VGLL4: variants seen among roughly 807,000 people sequenced by gnomAD.
VGLL4 encodes transcription cofactor vestigial-like protein 4.
In VGLL4, 7 loss-of-function variants were observed where a neutral mutation model predicts 21.0. The observed-to-expected ratio is 0.33, with a 90% confidence interval of 0.19 to 0.63. The LOEUF (loss-of-function observed/expected upper bound fraction) is 0.63. Among genes scored for constraint, VGLL4 ranks in the 20% least tolerant of loss-of-function variants. The probability of loss-of-function intolerance (pLI) is 0.78; values close to 1 mark genes in which losing one functional copy is unlikely to be tolerated. For synonymous variants in VGLL4, 222 were observed against 173.2 expected (o/e 1.28, Z -2.21); for missense variants, 394 against 425.7 (o/e 0.93, Z 0.66).
chr3:11,590,674 G>A (rs1017946591), intron 2 of VGLL4, among the ~76,000 whole-genome samples: 1 of 147,596 alleles, frequency 6.8e-6, no homozygotes, highest in African/African-American at 2.5e-5. Flanking sequence ...GTGTGTGTGT[G>A]TGTGTGTGTG....
At chr3:11,630,706 C>A (rs908467904) in intron 1 of VGLL4, among the ~76,000 whole-genome samples, 2 of 152,108 alleles carry the variant, frequency 1.3e-5, no homozygotes, top group Admixed American at 1.3e-4. Context: ...TTATACACTG[C>A]TGGTAGAAGA....
At chr3:11,642,422 C>G (rs1335855364) in intron 1 of VGLL4, among the ~76,000 whole-genome samples, 1 of 152,134 alleles carries the variant, frequency 6.6e-6, no homozygotes. Context: ...ATCACCCTCC[C>G]AAGTTTTTGT....
At chr3:11,575,666 T>C (rs2074017087) in intron 2 of VGLL4, among the ~76,000 whole-genome samples, 1 of 152,232 alleles carries the variant, frequency 6.6e-6, no homozygotes, top group Non-Finnish European at 1.5e-5. Context: ...TAAGTGATTT[T>C]AGTTAGAGAC....
chr3:11,638,515 GTTTC>G (rs369999089), intron 1 of VGLL4, among the ~76,000 whole-genome samples: 2 of 152,000 alleles, frequency 1.3e-5, no homozygotes, highest in Middle Eastern at 3.2e-3. Flanking sequence ...GCTCCTCCTA[GTTTC>G]TTTCTCTCTC....
At chr3:11,657,124 A>G (rs2075969963) in intron 2 of VGLL4, among the ~76,000 whole-genome samples, 1 of 152,194 alleles carries the variant, frequency 6.6e-6, no homozygotes, top group Admixed American at 6.5e-5. Context: ...AACCTTTGCT[A>G]GCCATGCAAT....
chr3:11,650,050 C>A (rs1005229273), intron 2 of VGLL4, among the ~76,000 whole-genome samples: 32 of 152,150 alleles, frequency 2.1e-4, no homozygotes, highest in Non-Finnish European at 3.1e-4. Context: ...AGTGATCCTT[C>A]CAACTCAGCA....
chr3:11,677,830 G>A (rs552386764), intron 2 of VGLL4, among the ~76,000 whole-genome samples: 33 of 150,978 alleles, frequency 2.2e-4, no homozygotes, highest in Non-Finnish European at 3.7e-4. Context: ...GCTTGAACCC[G>A]GGAGGCGGAG....
At chr3:11,645,196 A>G (rs914358319), upstream of VGLL4, among the ~76,000 whole-genome samples, 4 of 139,708 alleles carry the variant, frequency 2.9e-5, no homozygotes, top group African/African-American at 8.2e-5. Context: ...ATAGAAAAAA[A>G]AAAAACAAAA....
intron 1 of VGLL4, among the ~76,000 whole-genome samples, chr3:11,638,719 G>A (rs769642489): frequency 7.2e-5 from 11 of 152,128 alleles, no homozygotes; most frequent in Non-Finnish European, 1.6e-4. Context: ...GTACGAAATG[G>A]CCCTGCGCTG....
intron 2 of VGLL4, among the ~76,000 whole-genome samples, chr3:11,577,393 T>C (rs559726880): frequency 6.6e-6 from 1 of 152,116 alleles, no homozygotes; most frequent in African/African-American, 2.4e-5. Flanking sequence ...GGCCAGGAGT[T>C]CAAGACCAGC....
Position 11,719,560 on chromosome 3 carries a change from GC to G in VGLL4, c.-14+833del. ...GGCTCGCGCCCGAGCCCCCGCACGG[GC>G]CCCCGCCAAACACGCACACGCACAC... On this transcript the variant is annotated intron_variant, in intron 1 of 5. Coordinates refer to the VGLL4 transcript ENST00000273038. This position sits in a 1 kb window ranked among gnomAD's most constrained non-coding sequence, Gnocchi z 4.0. The G allele has an allele frequency of 6.6e-6, 1 of 151,480 alleles. No homozygotes were observed. The highest frequency in any genetic ancestry group is 1.5e-5 in the Non-Finnish European group (1 of 67,670). 9.4% of individuals were successfully genotyped at this position (151,480 alleles called of 1,614,324 possible).
chr3:11,713,117 G>C (rs1229219649), intron 1 of VGLL4, among the ~76,000 whole-genome samples: 3 of 152,174 alleles, frequency 2.0e-5, no homozygotes, highest in African/African-American at 7.2e-5. Flanking sequence ...AGGAAGGATG[G>C]TGTCAACTTC....
intron 2 of VGLL4, among the ~76,000 whole-genome samples, chr3:11,580,856 T>A (rs1207503178): frequency 6.6e-6 from 1 of 152,216 alleles, no homozygotes; most frequent in Non-Finnish European, 1.5e-5. Context: ...GATGTTGTAA[T>A]CAACAGTGAG....
rs553741106 is a variant in VGLL4, at chr3:11,660,852, CGTT to C, written c.64+42116_64+42118del. On this transcript the variant is annotated intron_variant, in intron 2 of 5. Transcript: ENST00000273038. Reference sequence around the variant, plus strand: ...CTTTAAAAATTAAAAAATTAAATAACGTTGGGATCCAAAGGAAAGACTCTTAAA... The same window carrying C: ...CTTTAAAAATTAAAAAATTAAATAACGGGATCCAAAGGAAAGACTCTTAAA... Among the ~76,000 whole-genome samples the C allele has an allele frequency of 1.3e-4, 20 of 152,160 alleles. No individual in the cohort carries two copies. The South Asian group carries it at 4.2e-3, about 32-fold the overall frequency.
intron 2 of VGLL4, among the ~76,000 whole-genome samples, chr3:11,695,194 C>T (rs746619893): frequency 3.3e-5 from 5 of 151,880 alleles, no homozygotes; most frequent in East Asian, 3.9e-4. Context: ...GGATTACAGG[C>T]GCCTGCCACC....
intron 2 of VGLL4, among the ~76,000 whole-genome samples, chr3:11,599,978 G>A (rs1198795868): frequency 2.0e-5 from 3 of 151,982 alleles, no homozygotes; most frequent in Non-Finnish European, 2.9e-5. Context: ...AAAGAAAGTG[G>A]GAATTGAACC....
intron 2 of VGLL4, among the ~76,000 whole-genome samples, chr3:11,690,178 G>A (rs2076507289): frequency 6.6e-6 from 1 of 152,050 alleles, no homozygotes; most frequent in African/African-American, 2.4e-5. Context: ...TTTTGCACCT[G>A]TGTTTTGAGT....
chr3:11,702,065 A>AT (rs2076688297), intron 2 of VGLL4, among the ~76,000 whole-genome samples: 1 of 152,176 alleles, frequency 6.6e-6, no homozygotes, highest in South Asian at 2.1e-4. Context: ...TTTCTCAGCA[A>AT]TGCAAACATA....
rs10539636 is a variant in VGLL4 at position 11,650,718 on chromosome 3, AACAC to A, written c.65-48700_65-48697del. Among the ~76,000 whole-genome samples the A allele has an allele frequency of 6.1e-3, 904 of 147,294 alleles. 10 individuals are homozygous for A. The highest frequency in any genetic ancestry group is 0.02 in the African/African-American group (815 of 40,476). On this transcript the variant is annotated intron_variant, in intron 2 of 5. Transcript: ENST00000273038. Reference sequence around the variant, plus strand: ...TTTTCTCTTCTTGCTACACATAGAAAACACACACACACACACACACACACACAGA... The same window carrying A: ...TTTTCTCTTCTTGCTACACATAGAAAACACACACACACACACACACACAGA...
Sources: allele counts gnomAD v4.1 joint callset (sites outside exome capture counted in the v4.1 genomes callset), GRCh38; gene constraint gnomAD v4.1.1; non-coding constraint Gnocchi (gnomAD v3.1); transcripts MANE v1.5; gene names NCBI Gene and HGNC (gene_info 2026-07-23, HGNC 2026-07-21).